Variants in STXBP6 observed in about 807,000 individuals in gnomAD.
STXBP6 encodes syntaxin-binding protein 6.
STXBP6 carries 21 observed loss-of-function variants against 26.9 expected under a neutral mutation model. The observed-to-expected ratio is 0.78, with a 90% CI of 0.55 to 1.12. The LOEUF (loss-of-function observed/expected upper bound fraction) is 1.12, where lower values mean the gene tolerates loss of function less well. Ranked by LOEUF, STXBP6 falls within the 50% of genes most tolerant of loss-of-function variation. The pLI, the probability that STXBP6 is intolerant of heterozygous loss-of-function variation, is 0.00. For missense variants in STXBP6, 232 were observed against 257.9 expected (o/e 0.90, Z 0.69); for synonymous variants, 97 against 92.6 (o/e 1.05, Z -0.27).
intron 1 of STXBP6, among the ~76,000 whole-genome samples, chr14:25,013,502 A>ACACACACACACC (rs993601171): frequency 6.7e-6 from 1 of 149,810 alleles, no homozygotes; most frequent in Non-Finnish European, 1.5e-5. Flanking sequence ...ACACACACAC[A>ACACACACACACC]CCCCTAAAGG....
chr14:24,999,142 C>T (rs901722361), intron 1 of STXBP6, among the ~76,000 whole-genome samples: 5 of 152,110 alleles, frequency 3.3e-5, no homozygotes, highest in East Asian at 1.9e-4. Context: ...ACCCATTGTA[C>T]AGCTGAAAAA....
chr14:24,938,075 T>C (rs1297328497), intron 2 of STXBP6, among the ~76,000 whole-genome samples: 11 of 152,212 alleles, frequency 7.2e-5, no homozygotes, highest in Non-Finnish European at 1.5e-4. Context: ...GCACACATTG[T>C]ACAAGACAAC....
intron 1 of STXBP6, among the ~76,000 whole-genome samples, chr14:25,025,580 G>A (rs2075335189): frequency 6.6e-6 from 1 of 152,176 alleles, no homozygotes; most frequent in Admixed American, 6.5e-5. Flanking sequence ...GATGCAGCCA[G>A]TGTTGCTAGA....
Position 24,929,919 on chromosome 14 carries a change from G to C in STXBP6, c.154+44746C>G, listed in dbSNP as rs531640457. Among the ~76,000 whole-genome samples the C allele has an allele frequency of 1.1e-3, 162 of 152,270 alleles. 1 individual carries two copies. The highest frequency in any genetic ancestry group is 3.7e-3 in the South Asian group (18 of 4,822). ...ACCATACTGGCTTCTAAAGAATCTAGAAAATATGTAGCCTCCCCATCACAA... is the reference window on the plus strand; with the variant it reads ...ACCATACTGGCTTCTAAAGAATCTACAAAATATGTAGCCTCCCCATCACAA... On this transcript the variant is annotated intron_variant, in intron 2 of 5. Transcript: ENST00000323944.
intron 4 of STXBP6, among the ~76,000 whole-genome samples, chr14:24,849,185 T>G (rs1426723021): frequency 1.3e-5 from 2 of 152,136 alleles, no homozygotes; most frequent in Non-Finnish European, 2.9e-5. Flanking sequence ...GTCTTAGTTT[T>G]TTTCTCTCTC....
At chr14:24,837,903 C>T (rs1381156482) in intron 4 of STXBP6, among the ~76,000 whole-genome samples, 1 of 152,142 alleles carries the variant, frequency 6.6e-6, no homozygotes, top group African/African-American at 2.4e-5. Flanking sequence ...GAAATAACAA[C>T]TGGAAAGGAA....
intron 4 of STXBP6, among the ~76,000 whole-genome samples, chr14:24,825,683 G>C (rs1461645): frequency 0.046 from 7,058 of 152,242 alleles, 183 homozygotes; most frequent in Middle Eastern, 0.11. Context: ...TAAAGTCTCA[G>C]GAAAAAGCCC....
intron 2 of STXBP6, among the ~76,000 whole-genome samples, chr14:24,915,921 A>G (rs991900298): frequency 1.3e-5 from 2 of 152,164 alleles, no homozygotes; most frequent in Non-Finnish European, 2.9e-5. Flanking sequence ...ACATTTCTGA[A>G]CCGGCTTTTT....
At chr14:25,045,780 G>A (rs1488916099) in intron 1 of STXBP6, among the ~76,000 whole-genome samples, 1 of 151,620 alleles carries the variant, frequency 6.6e-6, no homozygotes, top group African/African-American at 2.4e-5. Flanking sequence ...ATTTGTTTTT[G>A]TATTTTTAGT....
At chr14:24,945,757 G>A (rs2072966520) in intron 2 of STXBP6, among the ~76,000 whole-genome samples, 1 of 152,132 alleles carries the variant, frequency 6.6e-6, no homozygotes, top group East Asian at 1.9e-4. Context: ...TCAACTATGT[G>A]CTAGGCATTG....
intron 2 of STXBP6, among the ~76,000 whole-genome samples, chr14:24,904,610 G>T (rs946908116): frequency 6.6e-6 from 1 of 152,168 alleles, no homozygotes; most frequent in African/African-American, 2.4e-5. Flanking sequence ...TAAGGATGGG[G>T]TCCTAATCCA....
intron 1 of STXBP6, among the ~76,000 whole-genome samples, chr14:25,031,898 T>C (rs1045610630): frequency 2.0e-5 from 3 of 152,128 alleles, no homozygotes; most frequent in African/African-American, 7.2e-5. Context: ...GAGGTCACTC[T>C]TGGACCCCAA....
At chr14:24,914,381 G>C (rs1005562132) in intron 2 of STXBP6, among the ~76,000 whole-genome samples, 7 of 151,970 alleles carry the variant, frequency 4.6e-5, no homozygotes, top group African/African-American at 1.2e-4. Context: ...CAAATGCTTG[G>C]CTTTTTATTT....
chr14:25,003,484 G>GA (rs1035362146), intron 1 of STXBP6, among the ~76,000 whole-genome samples: 3 of 152,168 alleles, frequency 2.0e-5, no homozygotes, highest in Non-Finnish European at 4.4e-5. Context: ...CATTTTCAGA[G>GA]AATTCTCTGG....
At chr14:24,979,117 C>A (rs2074121501) in intron 1 of STXBP6, among the ~76,000 whole-genome samples, 1 of 152,206 alleles carries the variant, frequency 6.6e-6, no homozygotes, top group Non-Finnish European at 1.5e-5. Context: ...TCTGGTAAGG[C>A]AACAGTGCCA....
intron 1 of STXBP6, among the ~76,000 whole-genome samples, chr14:24,986,910 G>A (rs1360177384): frequency 2.6e-5 from 4 of 152,178 alleles, no homozygotes; most frequent in Admixed American, 2.6e-4. Flanking sequence ...TAACAGAATA[G>A]CCTACAAATC....
At chr14:25,023,455 T>C (rs1428844636) in intron 1 of STXBP6, among the ~76,000 whole-genome samples, 2 of 152,180 alleles carry the variant, frequency 1.3e-5, no homozygotes, top group Non-Finnish European at 2.9e-5. Flanking sequence ...TTAAGACACA[T>C]ATAAATAAAG....
At chr14:24,817,798 T>C (rs2138715840) in intron 5 of STXBP6, 1 of 299,422 alleles carries the variant, frequency 3.3e-6, no homozygotes, top group South Asian at 3.1e-5. Context: ...CATTTTCAGA[T>C]AGATCTAGCC....
intron 2 of STXBP6, among the ~76,000 whole-genome samples, chr14:24,965,715 G>C (rs557254940): frequency 6.6e-6 from 1 of 152,278 alleles, no homozygotes; most frequent in Non-Finnish European, 1.5e-5. Context: ...TACAGTCAGC[G>C]TTTTACCATA....
Sources: allele counts gnomAD v4.1 joint callset (sites outside exome capture counted in the v4.1 genomes callset), GRCh38; gene constraint gnomAD v4.1.1; transcripts MANE v1.5; gene names NCBI Gene and HGNC (gene_info 2026-07-23, HGNC 2026-07-21).